The following DYSF variants were observed in gnomAD, a reference collection of about 807,000 sequenced individuals.
The protein encoded by DYSF is dysferlin.
DYSF carries 212 observed loss-of-function variants against 274.9 expected under a neutral mutation model. The ratio of observed to expected loss-of-function variants is 0.77; its 90% confidence interval spans 0.69 to 0.86. The LOEUF is 0.86. Ranked by LOEUF, DYSF falls within the 40% of genes least tolerant of loss-of-function variation. The pLI, the probability that DYSF is intolerant of heterozygous loss-of-function variation, is 0.00. For synonymous variants in DYSF, 1,091 were observed against 1,078.7 expected, an observed-to-expected ratio of 1.01 and a Z score of -0.22; for missense variants, 2,666 against 2,783.2, an observed-to-expected ratio of 0.96 and a Z score of 0.95.
At chr2:71,629,142 ATTG>A (rs1359765948) in intron 41 of DYSF, among the ~76,000 whole-genome samples, 2 of 151,844 alleles carry the variant, frequency 1.3e-5, no homozygotes, top group Non-Finnish European at 1.5e-5. Flanking sequence ...TTTCTTTCAT[ATTG>A]TTTATTTCTT....
chr2:71,612,333 G>T lies in DYSF; in HGVS notation c.4222-308G>T, dbSNP rs577320037. Among the ~76,000 whole-genome samples, 16 of 152,184 alleles carry T rather than the reference G, an allele frequency of 1.1e-4. No individual in the cohort carries two copies. The South Asian group carries it at 1.2e-3, about 12-fold the overall frequency. ...CTGTCTGTAAGAAATGTTGAGTCCCGGGCCAACTCCCCTCGCCCGCTCCCC... is the reference window on the plus strand; with the variant it reads ...CTGTCTGTAAGAAATGTTGAGTCCCTGGCCAACTCCCCTCGCCCGCTCCCC... On this transcript the variant is annotated intron_variant, in intron 38 of 55. Coordinates refer to ENST00000410020, the MANE Select transcript of DYSF (RefSeq NM_001130987.2).
At chr2:71,585,869 G>A (rs1253078513) in intron 30 of DYSF, among the ~76,000 whole-genome samples, 1 of 152,146 alleles carries the variant, frequency 6.6e-6, no homozygotes, top group Non-Finnish European at 1.5e-5. Context: ...GGGCGAAGTG[G>A]GAGTGCCCAG....
chr2:71,617,629 TGTG>T (rs2093917603), intron 40 of DYSF, among the ~76,000 whole-genome samples: 1 of 137,718 alleles, frequency 7.3e-6, no homozygotes, highest in Non-Finnish European at 1.6e-5. Context: ...GTAGAGGTGA[TGTG>T]TGTGGCAGAG....
At chr2:71,460,663 A>G (rs2081246344) in intron 1 of DYSF, among the ~76,000 whole-genome samples, 1 of 152,152 alleles carries the variant, frequency 6.6e-6, no homozygotes, top group South Asian at 2.1e-4. Flanking sequence ...CAGACTAGGA[A>G]GTTGGAGGCT....
At chr2:71,635,354 C>T (rs2094382872) in intron 41 of DYSF, among the ~76,000 whole-genome samples, 1 of 152,222 alleles carries the variant, frequency 6.6e-6, no homozygotes. Flanking sequence ...TCTTTCCCCA[C>T]ATTCTGCTGT....
intron 24 of DYSF, among the ~76,000 whole-genome samples, chr2:71,566,964 C>A (rs2092146392): frequency 6.6e-6 from 1 of 152,204 alleles, no homozygotes; most frequent in South Asian, 2.1e-4. Context: ...GACCCCTTAC[C>A]TCAGCTGCCC....
chr2:71,666,643 C>T (rs370452837), intron 47 of DYSF, among the ~76,000 whole-genome samples: 2 of 152,216 alleles, frequency 1.3e-5, no homozygotes, highest in African/African-American at 2.4e-5. Context: ...ACCTGTAGCA[C>T]CAGTTTTTGA....
At chr2:71,499,050 C>A (rs1471856408) in intron 3 of DYSF, among the ~76,000 whole-genome samples, 2 of 152,158 alleles carry the variant, frequency 1.3e-5, no homozygotes, top group African/African-American at 4.8e-5. Context: ...AAAACAGAAA[C>A]TATATTTAAA....
At chr2:71,654,038 CA>C (rs1489530323) in intron 42 of DYSF, among the ~76,000 whole-genome samples, 2 of 151,972 alleles carry the variant, frequency 1.3e-5, no homozygotes, top group Non-Finnish European at 2.9e-5. Flanking sequence ...CTTTATATAC[CA>C]AGAAGTCTCT....
rs191185360 is a variant in DYSF at position 71,521,261 on chromosome 2, C to T, written c.1149+357C>T. ...TGGCCTAAGAATGTATCATGCTCAT[C>T]TCCACATGTCAGTAAGTAAAGTTAT... On this transcript the variant is annotated intron_variant, in intron 12 of 55. Transcript: ENST00000410020. Among the ~76,000 whole-genome samples, 228 of 152,268 alleles carry T rather than the reference C, an allele frequency of 1.5e-3. 1 individual carries two copies. The highest frequency in any genetic ancestry group is 5.2e-3 in the African/African-American group (214 of 41,544).
chr2:71,560,949 C>G (rs1223460892), intron 22 of DYSF, among the ~76,000 whole-genome samples: 3 of 152,156 alleles, frequency 2.0e-5, no homozygotes, highest in Non-Finnish European at 4.4e-5. Flanking sequence ...ACAGACTGCC[C>G]CGCCGCATTT....
chr2:71,471,035 A>G (rs1196829832), intron 1 of DYSF, among the ~76,000 whole-genome samples: 1 of 152,078 alleles, frequency 6.6e-6, no homozygotes, highest in Admixed American at 6.5e-5. Flanking sequence ...ACATCAGTCA[A>G]TCCACCCACC....
At position 71,610,688 on chromosome 2, in the gene DYSF, A is replaced by G. The variant is rs368894583; in HGVS notation, c.3958-557A>G. ...TCAGTTGTTCTCTTTCTGGCTCACA[A>G]TGCAAGTATTCTGTCCTCACAGGGG... On this transcript the variant is annotated intron_variant, in intron 36 of 55. Coordinates refer to ENST00000410020, the MANE Select transcript of DYSF (RefSeq NM_001130987.2). 15 of 173,770 alleles carry G rather than the reference A, an allele frequency of 8.6e-5. No individual in the cohort carries two copies. In the East Asian group the frequency reaches 1.6e-3, roughly 18 times the overall value. The allele number at this position is 173,770 out of a possible 1,614,324, so 10.8% of individuals were successfully genotyped here.
intron 36 of DYSF, among the ~76,000 whole-genome samples, chr2:71,609,658 G>A (rs1339539059): frequency 6.6e-6 from 1 of 152,230 alleles, no homozygotes; most frequent in Non-Finnish European, 1.5e-5. Flanking sequence ...TGGCGAGGAG[G>A]TGGCAGAGCT....
In DYSF at chr2:71,589,679, A is replaced by G; in HGVS notation, c.3489A>G (p.Ile1163Met). 2 of 1,614,062 alleles carry G rather than the reference A, an allele frequency of 1.2e-6. No homozygotes were observed. Among genetic ancestry groups the G allele is most frequent in the Non-Finnish European group, 1.7e-6 (2 of 1,179,938 alleles). Reference protein sequence around the residue: ...FGVNRPTISCIFDYGNRYHLR... With the variant: ...FGVNRPTISCMFDYGNRYHLR... ...TGAACAGACCCACGATTTCCTGCAT[A>G]TTCGACTGTAAGTGAGGCTTCGAGG... The change falls in exon 31 of 56, where the codon ATA becomes ATG. Residue 1163 changes from isoleucine (I) to methionine (M), a missense_variant. Physicochemically the swap from Ile to Met is conservative, Grantham distance 10 (BLOSUM62 1). Coordinates refer to ENST00000410020, the MANE Select transcript of DYSF (RefSeq NM_001130987.2).
chr2:71,623,081 T>A (rs2152898723), intron 41 of DYSF, among the ~76,000 whole-genome samples: 1 of 152,354 alleles, frequency 6.6e-6, no homozygotes, highest in East Asian at 1.9e-4. Context: ...TTGGTCATGG[T>A]ATTATAGTTT....
chr2:71,513,989 C>CAG, intron 7 of DYSF, 68 bp downstream of exon 7: 2 of 1,573,732 alleles, frequency 1.3e-6, no homozygotes, highest in Non-Finnish European at 1.7e-6. Flanking sequence ...CAGGCACCTG[C>CAG]CTGGTTTGTC....
intron 14 of DYSF, among the ~76,000 whole-genome samples, chr2:71,531,258 C>T (rs916852166): frequency 6.6e-6 from 1 of 152,086 alleles, no homozygotes; most frequent in African/African-American, 2.4e-5. Context: ...CCTCTTCCCA[C>T]TTGCTGGGAA....
Position 71,513,317 on chromosome 2 carries a change from T to G in DYSF, c.538T>G (p.Trp180Gly), listed in dbSNP as rs1288450606. The G allele has an allele frequency of 1.9e-6, 3 of 1,551,354 alleles. No individual in the cohort carries two copies. The highest frequency in any genetic ancestry group is 1.2e-5 in the South Asian group (1 of 84,040). Residue 180 changes from tryptophan to glycine, a missense_variant, in exon 6 of 56, where the codon TGG (tryptophan) becomes GGG (glycine). Transcript: ENST00000410020. ...TMDTRYSGKKWPAPTDTGGEE... is the reference protein window; with the variant it reads ...TMDTRYSGKKGPAPTDTGGEE... Reference sequence around the variant, plus strand: ...GGACACGAGATACTCTGGAAAGAAGTGGCCGGCCCCCACGGGTGAGACACG... The same window carrying G: ...GGACACGAGATACTCTGGAAAGAAGGGGCCGGCCCCCACGGGTGAGACACG...
Sources: allele counts gnomAD v4.1 joint callset (sites outside exome capture counted in the v4.1 genomes callset), GRCh38; gene constraint gnomAD v4.1.1; transcripts MANE v1.5; gene names NCBI Gene and HGNC (gene_info 2026-07-23, HGNC 2026-07-21).